The following ADAD1 variants were observed in gnomAD, a reference collection of about 807,000 sequenced individuals.
ADAD1 encodes adenosine deaminase domain-containing protein 1.
In ADAD1, 46 loss-of-function variants were observed where a neutral mutation model predicts 66.8. That is an observed-to-expected ratio of 0.69 (90% CI 0.54 to 0.88). The LOEUF is 0.88. Among genes scored for constraint, ADAD1 ranks in the 40% least tolerant of loss-of-function variants. The pLI is 0.00. For synonymous variants in ADAD1, 248 were observed against 229.4 expected (o/e 1.08, Z -0.73); for missense variants, 617 against 681.8 (o/e 0.91, Z 1.06).
intron 10 of ADAD1, 80 bp downstream of exon 10, chr4:122,412,889 GT>G: frequency 7.9e-7 from 1 of 1,258,880 alleles, no homozygotes. Context: ...TATAAAATTA[GT>G]TTTAGTTTTT....
rs542880640 is a variant in ADAD1 at position 122,393,494 on chromosome 4, T to A, written c.530-95T>A. On this transcript the variant is annotated intron_variant, in intron 5 of 12. Transcript: ENST00000296513. ...GTTGGCAAAAATACGGAAAAAAAAA[T>A]TTTTGGATTGCTGTTTTATTACAGA... The A allele has an allele frequency of 1.2e-4, 138 of 1,109,362 alleles. 1 individual carries two copies. Among genetic ancestry groups the A allele is most frequent in the African/African-American group, 9.7e-4 (56 of 57,708 alleles). 68.7% of individuals were successfully genotyped at this position (1,109,362 alleles called of 1,614,324 possible). A position where few individuals can be genotyped will look rare whatever the true frequency, so the allele number is the denominator to read the frequency against.
intron 11 of ADAD1, 42 bp from the exon 12 acceptor site, chr4:122,421,219 A>G: frequency 7.0e-7 from 1 of 1,434,312 alleles, no homozygotes; most frequent in Non-Finnish European, 9.4e-7. Context: ...AACATAAATT[A>G]CTGAAAAAGA....
Position 122,415,462 on chromosome 4 carries a change from A to T in ADAD1, c.1333A>T (p.Met445Leu). The T allele has an allele frequency of 6.2e-7, 1 of 1,613,966 alleles. No homozygotes were observed. ...VDDALTSKLP[M>L]FYLVNRPHIS... Reference sequence around the variant, plus strand: ...TGATGCACTCACTTCAAAACTTCCAATGTTTTACTTAGTCAACAGACCTCA... The same window carrying T: ...TGATGCACTCACTTCAAAACTTCCATTGTTTTACTTAGTCAACAGACCTCA... Residue 445 changes from methionine (M) to leucine (L), a missense_variant, in exon 11 of 13, where the codon ATG becomes TTG. By Grantham distance (15) the Met-to-Leu change is conservative. Transcript: ENST00000296513.
intron 10 of ADAD1, among the ~76,000 whole-genome samples, chr4:122,413,262 A>G (rs531605688): frequency 2.2e-4 from 33 of 152,244 alleles, no homozygotes; most frequent in African/African-American, 7.7e-4. Flanking sequence ...GCATTATTTT[A>G]CTTTTCAAAA....
At chr4:122,418,204 A>G (rs1796831529) in intron 11 of ADAD1, among the ~76,000 whole-genome samples, 1 of 152,250 alleles carries the variant, frequency 6.6e-6, no homozygotes, top group South Asian at 2.1e-4. Flanking sequence ...TTAGGTAACC[A>G]CACAAATATA....
At chr4:122,414,785 T>G (rs1210404013) in intron 10 of ADAD1, among the ~76,000 whole-genome samples, 1 of 152,162 alleles carries the variant, frequency 6.6e-6, no homozygotes, top group East Asian at 1.9e-4. Flanking sequence ...CAGCTCACTG[T>G]TTTTTAGTAG....
At chr4:122,385,180 T>G (rs553573674) in intron 5 of ADAD1, among the ~76,000 whole-genome samples, 94 of 152,298 alleles carry the variant, frequency 6.2e-4, no homozygotes, top group Non-Finnish European at 1.1e-3. Flanking sequence ...AAACTTTAGT[T>G]TTTTTCAAAA....
At position 122,425,205 on chromosome 4, in the gene ADAD1, CACTG is replaced by C. The variant is rs1444012843; in HGVS notation, c.1617+3818_1617+3821del. Among the ~76,000 whole-genome samples the C allele has an allele frequency of 8.5e-5, 13 of 152,144 alleles. No homozygotes were observed. In the East Asian group the frequency reaches 2.5e-3, roughly 29 times the overall value. On this transcript the variant is annotated intron_variant, in intron 12 of 12. Transcript: ENST00000296513. ...TGAACACTACCAACCAATCAAAACT[CACTG>C]ACCTGTAGAAAACACTCTACACAAC...
At chr4:122,406,252 A>G (rs1344177127) in intron 7 of ADAD1, among the ~76,000 whole-genome samples, 1 of 152,214 alleles carries the variant, frequency 6.6e-6, no homozygotes, top group African/African-American at 2.4e-5. Context: ...ACTTTTTGAT[A>G]ATAGACATCC....
chr4:122,424,998 G>C (rs1797165689), intron 12 of ADAD1, among the ~76,000 whole-genome samples: 1 of 151,924 alleles, frequency 6.6e-6, no homozygotes, highest in Admixed American at 6.6e-5. Flanking sequence ...TGGTAAAAAG[G>C]TCAATACATC....
chr4:122,422,124 T>C (rs368831318), intron 12 of ADAD1, among the ~76,000 whole-genome samples: 31,365 of 80,968 alleles, frequency 0.39, 3,880 homozygotes, highest in Middle Eastern at 0.58. Flanking sequence ...GAACATCCTT[T>C]TTTTTTTTTT....
intron 4 of ADAD1, among the ~76,000 whole-genome samples, chr4:122,381,388 T>C (rs1190258482): frequency 1.3e-5 from 2 of 152,240 alleles, no homozygotes; most frequent in African/African-American, 4.8e-5. Flanking sequence ...AATCATTGAA[T>C]TGTAATTTTC....
intron 5 of ADAD1, among the ~76,000 whole-genome samples, chr4:122,389,273 T>C (rs1795326664): frequency 6.6e-6 from 1 of 152,182 alleles, no homozygotes; most frequent in Non-Finnish European, 1.5e-5. Flanking sequence ...GTGTTTTACT[T>C]CCAATTACAT....
intron 6 of ADAD1, among the ~76,000 whole-genome samples, chr4:122,394,297 T>C (rs1297357012): frequency 6.6e-6 from 1 of 152,216 alleles, no homozygotes. Context: ...ATGGTAGTTA[T>C]TATATATTTT....
At chr4:122,407,862 AGAGAGAGG>A in intron 7 of ADAD1, 38 bp from the exon 8 acceptor site, 1 of 1,599,474 alleles carries the variant, frequency 6.3e-7, no homozygotes, top group Non-Finnish European at 8.5e-7. Context: ...AATGTAGGGA[AGAGAGAGG>A]TTAAATTAAC....
At chr4:122,391,185 C>T (rs1369170554) in intron 5 of ADAD1, among the ~76,000 whole-genome samples, 1 of 152,074 alleles carries the variant, frequency 6.6e-6, no homozygotes, top group Non-Finnish European at 1.5e-5. Flanking sequence ...CTCTCCCGTG[C>T]CTGGAGATGT....
chr4:122,412,749 G>A lies in ADAD1; in HGVS notation c.1189G>A (p.Val397Ile). Residue 397 changes from valine (V) to isoleucine (I), a missense_variant, in exon 10 of 13, where the codon GTA (valine) becomes ATA (isoleucine). By Grantham distance (29) the Val-to-Ile change is conservative. Transcript: ENST00000296513. ...ATTGACCAGATGGGAAGTGCTTGGT[G>A]TACAGGGAGCATTGCTGAGTCATTT... The part of the protein sequence containing the change: ...DKLTRWEVLG[V>I]QGALLSHFIQ... 1 of 1,613,924 alleles carries A rather than the reference G, an allele frequency of 6.2e-7. No homozygotes were observed. Among genetic ancestry groups the A allele is most frequent in the Non-Finnish European group, 8.5e-7 (1 of 1,179,816 alleles).
At chr4:122,393,840 A>G (rs538967012) in intron 6 of ADAD1, among the ~76,000 whole-genome samples, 183 bp downstream of exon 6, 1 of 152,308 alleles carries the variant, frequency 6.6e-6, no homozygotes, top group African/African-American at 2.4e-5. Context: ...GAAACAAGGA[A>G]TGGAGAGGAC....
rs1167626310 is a variant in ADAD1 at position 122,383,915 on chromosome 4, G to A, written c.478G>A (p.Asp160Asn). ...ATCCAATGCAGCAAAATTAGCTCTT[G>A]ATGAGCTTCTACAACTGGATGAACC... ...SRSNAAKLALDELLQLDEPEP... is the reference protein window; with the variant it reads ...SRSNAAKLALNELLQLDEPEP... The change falls in exon 5 of 13, where the codon GAT becomes AAT. Residue 160 changes from aspartate to asparagine, a missense_variant. Coordinates refer to ENST00000296513, the MANE Select transcript of ADAD1 (RefSeq NM_139243.4). 6.2e-7 allele frequency: 1 copy of A among 1,613,816 alleles called. No individual in the cohort carries two copies.
Sources: gnomAD v4.1 joint callset for allele counts (sites outside exome capture counted in the v4.1 genomes callset) on GRCh38, gnomAD v4.1.1 for gene constraint, MANE v1.5 for transcripts, NCBI Gene and HGNC (gene_info 2026-07-23, HGNC 2026-07-21) for gene names.